Variants in USP54 observed in about 807,000 individuals in gnomAD.
USP54 encodes ubiquitin carboxyl-terminal hydrolase 54.
In USP54, 87 loss-of-function variants were observed where a neutral mutation model predicts 170.5. The ratio of observed to expected loss-of-function variants is 0.51; its 90% confidence interval spans 0.43 to 0.61. The LOEUF (loss-of-function observed/expected upper bound fraction) is 0.61, where lower values mean the gene tolerates loss of function less well. Ranked by LOEUF, USP54 falls within the 20% of genes least tolerant of loss-of-function variation. The pLI is 0.00. For missense variants in USP54, 1,786 were observed against 2,047.8 expected, an observed-to-expected ratio of 0.87 and a Z score of 2.47; for synonymous variants, 655 against 742.8, an observed-to-expected ratio of 0.88 and a Z score of 1.92.
chr10:73,610,334 T>C (rs908245706), intron 1 of USP54, among the ~76,000 whole-genome samples: 10 of 152,184 alleles, frequency 6.6e-5, no homozygotes, highest in African/African-American at 2.4e-4. Flanking sequence ...CAGAAACTTT[T>C]GGCCAGGCAC....
chr10:73,544,035 C>T (rs1157787696), intron 5 of USP54, among the ~76,000 whole-genome samples: 5 of 151,942 alleles, frequency 3.3e-5, no homozygotes, highest in South Asian at 2.1e-4. Flanking sequence ...CTCTACCTCC[C>T]GGGTTCAAGA....
Position 73,580,720 on chromosome 10 carries a change from G to A in USP54, c.-581-4359C>T, listed in dbSNP as rs189820569. Among the ~76,000 whole-genome samples the A allele has an allele frequency of 3.9e-3, 599 of 152,100 alleles. 11 individuals are homozygous for A. The highest frequency in any genetic ancestry group is 0.014 in the African/African-American group (567 of 41,494). On this transcript the variant is annotated intron_variant, in intron 1 of 23. Transcript: ENST00000687698. ...CCCGAGTAGCTGGGATTACAGGCACGCACCATCACGCTCAGCTATTTTTTG... is the reference window on the plus strand; with the variant it reads ...CCCGAGTAGCTGGGATTACAGGCACACACCATCACGCTCAGCTATTTTTTG...
At chr10:73,619,775 C>T (rs1242926331) in intron 1 of USP54, among the ~76,000 whole-genome samples, 1 of 150,530 alleles carries the variant, frequency 6.6e-6, no homozygotes, top group Non-Finnish European at 1.5e-5. Context: ...ATTACTTATC[C>T]TTAGTACAAG....
intron 1 of USP54, among the ~76,000 whole-genome samples, chr10:73,577,192 G>C (rs148520044): frequency 6.6e-6 from 1 of 152,282 alleles, no homozygotes; most frequent in East Asian, 1.9e-4. Context: ...TAAATGTTAA[G>C]TGTTAAATTT....
At chr10:73,502,956 C>G (rs1055428834) in intron 22 of USP54, among the ~76,000 whole-genome samples, 3 of 152,188 alleles carry the variant, frequency 2.0e-5, no homozygotes, top group Non-Finnish European at 2.9e-5. Context: ...TGAGTATCAT[C>G]CTTTATCCCC....
chr10:73,524,550 A>G lies in USP54; in HGVS notation c.2195-800T>C, dbSNP rs563075014. 7.9e-4 allele frequency among the ~76,000 whole-genome samples: 121 copies of G among 152,256 alleles called. 1 individual carries two copies. In the South Asian group the frequency reaches 0.013, roughly 17 times the overall value. ...AGCCAAGATCGCGCCATTGCACTCC[A>G]GCCTGGGAGACAAGAGCAAGACTTC... is the stretch of plus-strand genomic sequence containing the variant. On this transcript the variant is annotated intron_variant, in intron 16 of 23. Transcript: ENST00000687698.
intron 1 of USP54, among the ~76,000 whole-genome samples, chr10:73,601,709 TA>T (rs2079178749): frequency 6.6e-6 from 1 of 152,138 alleles, no homozygotes; most frequent in African/African-American, 2.4e-5. Context: ...TTTGTATGTT[TA>T]AAGTGACACC....
intron 4 of USP54, among the ~76,000 whole-genome samples, chr10:73,549,980 A>G (rs1205799814): frequency 6.6e-6 from 1 of 152,028 alleles, no homozygotes; most frequent in Non-Finnish European, 1.5e-5. Context: ...CTGGAGTGCA[A>G]TGGTGTGATC....
chr10:73,508,827 C>A (rs1034524637), intron 20 of USP54, among the ~76,000 whole-genome samples: 4 of 151,686 alleles, frequency 2.6e-5, no homozygotes, highest in Non-Finnish European at 5.9e-5. Context: ...GCCACCATGC[C>A]CGACTAATTT....
intron 4 of USP54, among the ~76,000 whole-genome samples, chr10:73,548,143 C>G (rs1590253742): frequency 6.6e-6 from 1 of 152,312 alleles, no homozygotes; most frequent in South Asian, 2.1e-4. Context: ...CTCATCGTCA[C>G]TGGTCATCAG....
intron 19 of USP54, among the ~76,000 whole-genome samples, chr10:73,518,501 C>T (rs765891835): frequency 2.6e-5 from 4 of 152,034 alleles, no homozygotes; most frequent in Admixed American, 6.6e-5. Flanking sequence ...AGGATGTATA[C>T]GTTTTCTGGA....
chr10:73,530,227 A>G lies in USP54; in HGVS notation c.1744T>C (p.Ser582Pro), dbSNP rs1310182137. Residue 582 changes from serine to proline, a missense_variant, in exon 14 of 24, where the codon TCT becomes CCT. Transcript: ENST00000687698. ...CTAAAGATACTGTCAATATTCAGAG[A>G]TTCTCGTTTGGGTCTCCATGTGGGA... ...YRPTWRPKRE[S>P]LNIDSIFSKD... The G allele has an allele frequency of 3.7e-6, 6 of 1,614,034 alleles. No homozygotes were observed. Among genetic ancestry groups the G allele is most frequent in the Non-Finnish European group, 5.1e-6 (6 of 1,180,032 alleles).
chr10:73,611,437 G>A (rs78034668), intron 1 of USP54: 5,355 of 152,188 alleles, frequency 0.035, 154 homozygotes, highest in South Asian at 0.11. Flanking sequence ...TGGCTTGAGT[G>A]AAGGAGTTCC....
At chr10:73,525,967 C>CCCCT (rs1369436831) in intron 16 of USP54, among the ~76,000 whole-genome samples, 1 of 152,164 alleles carries the variant, frequency 6.6e-6, no homozygotes, top group African/African-American at 2.4e-5. Context: ...CACATGTACC[C>CCCCT]CTTTGGTATG....
In USP54 at chr10:73,516,779, T is replaced by C. The variant is rs1391770249; in HGVS notation, c.3647A>G (p.Asn1216Ser). 3 of 1,614,058 alleles carry C rather than the reference T, an allele frequency of 1.9e-6. No individual in the cohort carries two copies. In the Admixed American group the frequency reaches 5.0e-5, roughly 27 times the overall value. Residue 1216 changes from asparagine (N) to serine (S), a missense_variant, in exon 20 of 24, where the codon AAT becomes AGT. By Grantham distance (46) the Asn-to-Ser change is conservative. Coordinates refer to ENST00000687698, the MANE Select transcript of USP54 (RefSeq NM_001391956.1). ...SSLALNSGLPNGETSSGGQPR... is the reference protein window; with the variant it reads ...SSLALNSGLPSGETSSGGQPR... ...CTGTCCTCCGCTAGAAGTTTCACCATTAGGCAGCCCAGAGTTTAAGGCAAG... is the reference window on the plus strand; with the variant it reads ...CTGTCCTCCGCTAGAAGTTTCACCACTAGGCAGCCCAGAGTTTAAGGCAAG...
At chr10:73,511,096 C>CTT (rs777196673) in intron 20 of USP54, among the ~76,000 whole-genome samples, 2,424 of 121,480 alleles carry the variant, frequency 0.02, 113 homozygotes, top group African/African-American at 0.064. Context: ...ATGAAAACAC[C>CTT]TTTTTTTTTT....
intron 1 of USP54, among the ~76,000 whole-genome samples, chr10:73,583,349 G>A (rs564465765): frequency 2.6e-5 from 4 of 152,110 alleles, no homozygotes; most frequent in Admixed American, 1.3e-4. Context: ...AAAATGGCGC[G>A]ATCTTGGCTT....
chr10:73,581,901 T>C (rs1171104076), intron 1 of USP54, among the ~76,000 whole-genome samples: 1 of 152,214 alleles, frequency 6.6e-6, no homozygotes, highest in Non-Finnish European at 1.5e-5. Context: ...ATTAAAGACA[T>C]ACCTCTAGAA....
chr10:73,542,246 G>A (rs2066767448), intron 7 of USP54, among the ~76,000 whole-genome samples: 1 of 152,050 alleles, frequency 6.6e-6, no homozygotes, highest in Non-Finnish European at 1.5e-5. Context: ...TTACAGGCAC[G>A]CGCAACCATG....
Sources: allele counts gnomAD v4.1 joint callset (sites outside exome capture counted in the v4.1 genomes callset), GRCh38; gene constraint gnomAD v4.1.1; transcripts MANE v1.5; gene names NCBI Gene and HGNC (gene_info 2026-07-23, HGNC 2026-07-21).